The following TMEM154 variants were observed in gnomAD, a reference collection of about 807,000 sequenced individuals.
The protein encoded by TMEM154 is transmembrane protein 154.
TMEM154 carries 27 observed loss-of-function variants against 24.5 expected under a neutral mutation model. The observed-to-expected ratio is 1.10, with a 90% CI of 0.81 to 1.52. The LOEUF (loss-of-function observed/expected upper bound fraction) is 1.52. Among genes scored for constraint, TMEM154 ranks in the 40% most tolerant of loss-of-function variants. The pLI, the probability that TMEM154 is intolerant of heterozygous loss-of-function variation, is 0.00. For synonymous variants in TMEM154, 67 were observed against 76.8 expected (o/e 0.87, Z 0.67); for missense variants, 228 against 213.4 (o/e 1.07, Z -0.43).
chr4:152,675,413 C>T (rs924941207), intron 1 of TMEM154, among the ~76,000 whole-genome samples: 9 of 151,880 alleles, frequency 5.9e-5, no homozygotes, highest in Non-Finnish European at 1.0e-4. Context: ...GGATCTCCTG[C>T]GGTCGCGAGT....
At chr4:152,650,799 G>T (rs188798330) in intron 3 of TMEM154, among the ~76,000 whole-genome samples, 2 of 152,318 alleles carry the variant, frequency 1.3e-5, no homozygotes, top group African/African-American at 2.4e-5. Context: ...AATGGATATT[G>T]TATCAGCAGG....
intron 3 of TMEM154, among the ~76,000 whole-genome samples, chr4:152,647,623 CT>C (rs1728283279): frequency 6.6e-6 from 1 of 152,270 alleles, no homozygotes; most frequent in East Asian, 1.9e-4. Context: ...GACTTTCCCT[CT>C]GAGCGTAGAT....
chr4:152,674,241 G>A (rs941288279), intron 1 of TMEM154, among the ~76,000 whole-genome samples: 3 of 152,006 alleles, frequency 2.0e-5, no homozygotes, highest in Non-Finnish European at 4.4e-5. Context: ...GAGATAACAG[G>A]CTATATAATG....
At position 152,619,105 on chromosome 4, in the gene TMEM154, G is replaced by T. The variant is rs368634771; in HGVS notation, c.*9441C>A. On this transcript the variant is annotated 3_prime_UTR_variant, in exon 7 of 7. Coordinates refer to ENST00000304385, the MANE Select transcript of TMEM154 (RefSeq NM_152680.3). ...AGTAAGACTGATCCCTATCCTCAAG[G>T]TGCTCAGTCTAATCTGCTCCCATTT... 4.6e-5 allele frequency: 7 copies of T among 152,158 alleles called. No homozygotes were observed. Among genetic ancestry groups the T allele is most frequent in the African/African-American group, 1.7e-4 (7 of 41,428 alleles). 9.4% of individuals were successfully genotyped at this position (152,158 alleles called of 1,614,324 possible).
intron 6 of TMEM154, 75 bp from the exon 7 acceptor site, chr4:152,628,636 T>TTA: frequency 8.1e-7 from 1 of 1,237,554 alleles, no homozygotes; most frequent in Non-Finnish European, 1.0e-6. Context: ...ATATATTTCT[T>TTA]TCTTTTTTTT....
intron 1 of TMEM154, 52 bp from the exon 2 acceptor site, chr4:152,652,979 T>C (rs1200606365): frequency 2.0e-6 from 3 of 1,493,148 alleles, no homozygotes; most frequent in East Asian, 4.6e-5. Context: ...AGTTAGTATG[T>C]TATATTGTCA....
intron 3 of TMEM154, among the ~76,000 whole-genome samples, chr4:152,649,487 G>T (rs1728332502): frequency 6.6e-6 from 1 of 152,188 alleles, no homozygotes; most frequent in Non-Finnish European, 1.5e-5. Context: ...GACAGTTGAA[G>T]AATTTGATTA....
At chr4:152,651,388 T>A (rs1728380143) in intron 3 of TMEM154, among the ~76,000 whole-genome samples, 1 of 152,206 alleles carries the variant, frequency 6.6e-6, no homozygotes, top group Non-Finnish European at 1.5e-5. Context: ...GTAGCCACCT[T>A]CATCAACGAT....
rs560191773 is a variant in TMEM154, at chr4:152,673,425, C to T, written c.64+6445G>A. Among the ~76,000 whole-genome samples the T allele has an allele frequency of 3.3e-5, 5 of 152,210 alleles. No homozygotes were observed. The South Asian group carries it at 6.2e-4, about 19-fold the overall frequency. Reference sequence around the variant, plus strand: ...AAGCAGTTCTCCTGCCTTAGCCTCCCGAGTAGCTGGGACTACAGGCATGCG... The same window carrying T: ...AAGCAGTTCTCCTGCCTTAGCCTCCTGAGTAGCTGGGACTACAGGCATGCG... On this transcript the variant is annotated intron_variant, in intron 1 of 6. Transcript: ENST00000304385.
At chr4:152,655,618 G>A (rs940866984) in intron 1 of TMEM154, among the ~76,000 whole-genome samples, 1 of 151,968 alleles carries the variant, frequency 6.6e-6, no homozygotes, top group African/African-American at 2.4e-5. Flanking sequence ...GCCGCTGGCA[G>A]CACCCCTCCC....
At chr4:152,632,905 T>C (rs1258368776) in intron 6 of TMEM154, among the ~76,000 whole-genome samples, 1 of 152,234 alleles carries the variant, frequency 6.6e-6, no homozygotes, top group Non-Finnish European at 1.5e-5. Flanking sequence ...ATGAGCTTTA[T>C]TGTTTTGTAA....
chr4:152,654,039 C>A (rs1436408218), intron 1 of TMEM154, among the ~76,000 whole-genome samples: 2 of 145,446 alleles, frequency 1.4e-5, no homozygotes. Flanking sequence ...CACTCCATCT[C>A]AAAAAAAAAA....
rs1561042688 is a variant in TMEM154, at chr4:152,628,600, A to AAACACACAC, written c.537-40_537-39insGTGTGTGTT. On this transcript the variant is annotated intron_variant, in intron 6 of 6. Transcript: ENST00000304385. Reference sequence around the variant, plus strand: ...AAAAAAAAAAAAAAAAAACAAAAAAAACACACACACACACACAAAACAGTA... The same window carrying AAACACACAC: ...AAAAAAAAAAAAAAAAAACAAAAAAAAACACACACACACACACACACACACAAAACAGTA... The AAACACACAC allele has an allele frequency of 6.1e-6, 6 of 989,750 alleles. No individual in the cohort carries two copies. The African/African-American group carries it at 7.9e-5, about 13-fold the overall frequency. 61.3% of individuals were successfully genotyped at this position (989,750 alleles called of 1,614,324 possible).
chr4:152,652,422 A>T, intron 3 of TMEM154, 116 bp downstream of exon 3: 1 of 1,452,948 alleles, frequency 6.9e-7, no homozygotes, highest in Non-Finnish European at 9.2e-7. Context: ...ATTTCATTGA[A>T]ATGTATTATT....
chr4:152,644,493 A>G (rs62320820), intron 3 of TMEM154, 51 bp from the exon 4 acceptor site: 360,002 of 1,589,432 alleles, frequency 0.23, 45,867 homozygotes, highest in Non-Finnish European at 0.26. Context: ...TTCTGTAACA[A>G]CTTTTAATTT....
At chr4:152,639,500 A>G (rs1752212688) in intron 6 of TMEM154, among the ~76,000 whole-genome samples, 1 of 152,204 alleles carries the variant, frequency 6.6e-6, no homozygotes, top group East Asian at 1.9e-4. Flanking sequence ...AGATCAAAAC[A>G]TGGGGAAAAT....
At chr4:152,673,963 A>G (rs1728903212) in intron 1 of TMEM154, among the ~76,000 whole-genome samples, 1 of 151,812 alleles carries the variant, frequency 6.6e-6, no homozygotes. Flanking sequence ...ATATTTCCAA[A>G]TTATTCTCCA....
chr4:152,642,109 G>C (rs995090696), intron 5 of TMEM154, among the ~76,000 whole-genome samples: 1 of 151,484 alleles, frequency 6.6e-6, no homozygotes, highest in Non-Finnish European at 1.5e-5. Flanking sequence ...AGTAGAGATG[G>C]TGTTTCACCA....
intron 1 of TMEM154, among the ~76,000 whole-genome samples, chr4:152,661,542 T>C (rs564194495): frequency 3.9e-4 from 59 of 152,146 alleles, no homozygotes; most frequent in Non-Finnish European, 7.1e-4. Flanking sequence ...TCATTTATAT[T>C]GTTAATTTCT....
Sources: allele counts gnomAD v4.1 joint callset (sites outside exome capture counted in the v4.1 genomes callset), GRCh38; gene constraint gnomAD v4.1.1; transcripts MANE v1.5; gene names NCBI Gene and HGNC (gene_info 2026-07-23, HGNC 2026-07-21).